Variants in RASSF1 observed in about 807,000 individuals in gnomAD.
RASSF1 encodes the protein ras association domain-containing protein 1.
RASSF1 carries 33 observed loss-of-function variants against 34.3 expected under a neutral mutation model. The ratio of observed to expected loss-of-function variants is 0.96; its 90% confidence interval spans 0.73 to 1.29. The LOEUF (loss-of-function observed/expected upper bound fraction) is 1.29. Ranked by LOEUF, RASSF1 falls within the 50% of genes most tolerant of loss-of-function variation. The probability of loss-of-function intolerance (pLI) is 0.00; values close to 1 mark genes in which losing one functional copy is unlikely to be tolerated. For synonymous variants in RASSF1, 191 were observed against 195.0 expected, an observed-to-expected ratio of 0.98 and a Z score of 0.17; for missense variants, 445 against 471.8, an observed-to-expected ratio of 0.94 and a Z score of 0.53.
At position 50,340,593 on chromosome 3, in the gene RASSF1, G is replaced by T. The variant is rs1387759514; in HGVS notation, c.213C>A (p.Phe71Leu). The change falls in exon 1 of 6, where the codon TTC becomes TTA. Residue 71 changes from phenylalanine to leucine, a missense_variant. Transcript: ENST00000359365. ...GGCCTTTGCGCACGACGCCCCAGATGAAGTCGCCACAGAGGTCGCACCACG... is the reference window on the plus strand; with the variant it reads ...GGCCTTTGCGCACGACGCCCCAGATTAAGTCGCCACAGAGGTCGCACCACG... ...THTWCDLCGD[F>L]IWGVVRKGLQ... 1 of 1,549,216 alleles carries T rather than the reference G, an allele frequency of 6.5e-7. No individual in the cohort carries two copies. The highest frequency in any genetic ancestry group is 1.8e-5 in the Admixed American group (1 of 54,372).
At position 50,330,963 on chromosome 3, in the gene RASSF1, G is replaced by C. The variant is rs1459815534; in HGVS notation, c.877-236C>G. ...CAAGTCAGATGTTCCCCAATTACCT[G>C]TGGACAGGTCAGGCATATTCTGAGT... is the stretch of plus-strand genomic sequence containing the variant. On this transcript the variant is annotated intron_variant, in intron 5 of 5. Transcript: ENST00000359365. This position sits in a 1 kb window ranked among gnomAD's most constrained non-coding sequence, Gnocchi z 4.5. Among the ~76,000 whole-genome samples the C allele has an allele frequency of 1.3e-5, 2 of 152,186 alleles. No individual in the cohort carries two copies. Among genetic ancestry groups the C allele is most frequent in the Non-Finnish European group, 2.9e-5 (2 of 68,040 alleles).
chr3:50,335,320 T>C (rs1315254958), intron 2 of RASSF1, among the ~76,000 whole-genome samples: 2 of 145,450 alleles, frequency 1.4e-5, no homozygotes, highest in Admixed American at 1.4e-4. Flanking sequence ...TTTCTTTTTT[T>C]TTTTTTTTTT....
Position 50,337,755 on chromosome 3 carries a change from A to G in RASSF1, c.357+150T>C. ...AGCCGGCAATCCAGGCTCCCCTCCC[A>G]GCCCCCGCGCAGAATTAGCCTCTCT... On this transcript the variant is annotated intron_variant, in intron 2 of 5. Transcript: ENST00000359365. 5 of 932,468 alleles carry G rather than the reference A, an allele frequency of 5.4e-6. No homozygotes were observed. The South Asian group carries it at 6.9e-5, about 13-fold the overall frequency. The allele number at this position is 932,468 out of a possible 1,614,324, so 57.8% of individuals were successfully genotyped here. A position where few individuals can be genotyped will look rare whatever the true frequency, so the allele number is the denominator to read the frequency against.
chr3:50,340,501 C>A, intron 1 of RASSF1, 55 bp downstream of exon 1: 1 of 1,400,714 alleles, frequency 7.1e-7, no homozygotes, highest in Non-Finnish European at 9.2e-7. Context: ...GCGGCGACTG[C>A]GCTGCCCCTT....
Position 50,330,590 on chromosome 3 carries a change from G to T in RASSF1, c.1014C>A (p.Pro338=). Reference sequence around the variant, plus strand: ...CTGGGGGTACAAGAGGTCACCCAAGGGGGCAGGCGTGCAGGGCCTCTTGGA... The same window carrying T: ...CTGGGGGTACAAGAGGTCACCCAAGTGGGCAGGCGTGCAGGGCCTCTTGGA... The part of the protein sequence containing the change: ...QKIQEALHAC[P]LG The change falls in exon 6 of 6, where the codon CCC becomes CCA. Residue 338 remains proline (P), a synonymous_variant. Coordinates refer to ENST00000359365, the MANE Select transcript of RASSF1 (RefSeq NM_007182.5). The surrounding 1 kb of genome is among the most constrained non-coding windows in gnomAD (Gnocchi z 4.5). 1.9e-6 allele frequency: 3 copies of T among 1,614,056 alleles called. No individual in the cohort carries two copies. The highest frequency in any genetic ancestry group is 2.5e-6 in the Non-Finnish European group (3 of 1,179,968).
chr3:50,340,813 T>C lies in RASSF1; in HGVS notation c.-8A>G. The C allele has an allele frequency of 6.7e-7, 1 of 1,491,598 alleles. No individual in the cohort carries two copies. The highest frequency in any genetic ancestry group is 8.8e-7 in the Non-Finnish European group (1 of 1,132,750). 92.4% of individuals were successfully genotyped at this position (1,491,598 alleles called of 1,614,324 possible). ...CTCAGGCTCCCCCGACATGGCCCGG[T>C]TGGGCCCGTGCTTCGCTGGCTTTGG... On this transcript the variant is annotated 5_prime_UTR_variant, in exon 1 of 6. Coordinates refer to ENST00000359365, the MANE Select transcript of RASSF1 (RefSeq NM_007182.5).
rs757222954 is a variant in RASSF1 at position 50,337,856 on chromosome 3, T to TGGCCTGCCCATCCTC, written c.357+34_357+48dup. On this transcript the variant is annotated intron_variant, in intron 2 of 5. Transcript: ENST00000359365. ...GCAGCCCTCGAGAATGCCTGCACTG[T>TGGCCTGCCCATCCTC]GGCCTGCCCATCCTCGCCCTTCCCA... The TGGCCTGCCCATCCTC allele has an allele frequency of 7.4e-6, 11 of 1,487,034 alleles. No homozygotes were observed. The East Asian group carries it at 2.5e-4, about 34-fold the overall frequency. 92.1% of individuals were successfully genotyped at this position (1,487,034 alleles called of 1,614,324 possible). A position where few individuals can be genotyped will look rare whatever the true frequency, so the allele number is the denominator to read the frequency against.
intron 1 of RASSF1, among the ~76,000 whole-genome samples, chr3:50,339,522 C>G (rs939948205): frequency 6.6e-6 from 1 of 151,542 alleles, no homozygotes; most frequent in Non-Finnish European, 1.5e-5. Context: ...CCCGCCACTA[C>G]GCCTGGCTCA....
chr3:50,336,815 A>C, intron 2 of RASSF1: 1 of 273,448 alleles, frequency 3.7e-6, no homozygotes, highest in Non-Finnish European at 7.0e-6. Flanking sequence ...AGTCTCCCCA[A>C]GGAGGGAGCA....
At chr3:50,339,360 CTTTTTTTTT>C (rs1017192174) in intron 1 of RASSF1, among the ~76,000 whole-genome samples, 6 of 104,454 alleles carry the variant, frequency 5.7e-5, no homozygotes, top group African/African-American at 2.7e-4. Context: ...CAGCCTTGTT[CTTTTTTTTT>C]TTTTTTTTTT....
At position 50,340,192 on chromosome 3, in the gene RASSF1, CT is replaced by C. The variant is rs1280379641; in HGVS notation, c.250+363del. 8.5e-5 allele frequency among the ~76,000 whole-genome samples: 13 copies of C among 152,292 alleles called. No individual in the cohort carries two copies. In the East Asian group the frequency reaches 2.5e-3, roughly 29 times the overall value. ...CCATAGGTGGTAATTTCCCTTCACC[CT>C]AAAGGTTCTGGAGGGGGTCATGAGT... is the stretch of plus-strand genomic sequence containing the variant. On this transcript the variant is annotated intron_variant, in intron 1 of 5. Coordinates refer to ENST00000359365, the MANE Select transcript of RASSF1 (RefSeq NM_007182.5).
In RASSF1 at chr3:50,331,739, G is replaced by A. The variant is rs1222407463; in HGVS notation, c.580C>T (p.Arg194Trp). The A allele has an allele frequency of 1.2e-5, 19 of 1,611,564 alleles. No homozygotes were observed. The highest frequency in any genetic ancestry group is 6.7e-5 in the East Asian group (3 of 44,812). Residue 194 changes from arginine (R) to tryptophan (W), a missense_variant, in exon 4 of 6, where the codon CGG becomes TGG. By Grantham distance (101) the Arg-to-Trp change is moderately radical. Coordinates refer to ENST00000359365, the MANE Select transcript of RASSF1 (RefSeq NM_007182.5). ...SLQDARRGPGRGTSVRRRTSF... is the reference protein window; with the variant it reads ...SLQDARRGPGWGTSVRRRTSF... ...GTGCGGCGCCTGACACTTGTGCCCC[G>A]TCCTGGGCCCCGCCGGGCATCCTGC...
chr3:50,335,339 CAG>C (rs1457434282), intron 2 of RASSF1, among the ~76,000 whole-genome samples: 1 of 120,222 alleles, frequency 8.3e-6, no homozygotes, highest in Non-Finnish European at 1.6e-5. Flanking sequence ...TTTTTTGAGA[CAG>C]AGTCTTGCTC....
chr3:50,340,493 G>A (rs905622586), intron 1 of RASSF1, 63 bp downstream of exon 1: 2 of 1,387,172 alleles, frequency 1.4e-6, no homozygotes, highest in African/African-American at 1.5e-5. Context: ...CTTGACCCGC[G>A]GCGACTGCGC....
intron 2 of RASSF1, chr3:50,337,083 C>T: frequency 7.0e-7 from 1 of 1,431,104 alleles, no homozygotes; most frequent in Non-Finnish European, 9.2e-7. Flanking sequence ...GTGGGGCTGC[C>T]CACCGACCCA....
At chr3:50,338,136 G>GGGTT (rs1285949390) in intron 1 of RASSF1, 125 bp from the exon 2 acceptor site, 17 of 1,473,660 alleles carry the variant, frequency 1.2e-5, no homozygotes, top group Middle Eastern at 2.1e-4. Context: ...CTATCTCAGT[G>GGGTT]GGTTACCTCA....
chr3:50,330,657 A>AGGT lies in RASSF1; in HGVS notation c.944_946dup (p.His315dup), dbSNP rs1553718184. On this transcript the variant is annotated inframe_insertion, in exon 6 of 6. Coordinates refer to ENST00000359365, the MANE Select transcript of RASSF1 (RefSeq NM_007182.5). This position sits in a 1 kb window ranked among gnomAD's most constrained non-coding sequence, Gnocchi z 4.5. The stretch of plus-strand genomic sequence containing the variant: ...GGAGTACTTCTGCAGGATCTGGCGG[A>AGGT]GGTGCTCCTCCTCCTCCCGCTGCAG... 6.2e-7 allele frequency: 1 copy of AGGT among 1,614,020 alleles called. No homozygotes were observed. Among genetic ancestry groups the AGGT allele is most frequent in the Admixed American group, 1.7e-5 (1 of 60,004 alleles).
chr3:50,335,139 G>A (rs1294608475), intron 2 of RASSF1, among the ~76,000 whole-genome samples: 1 of 151,794 alleles, frequency 6.6e-6, no homozygotes, highest in Non-Finnish European at 1.5e-5. Context: ...TAGTCGAGAC[G>A]GGGTTTCACC....
At chr3:50,332,007 T>A (rs752967568) in intron 3 of RASSF1, 43 bp downstream of exon 3, 1 of 1,597,468 alleles carries the variant, frequency 6.3e-7, no homozygotes, top group Non-Finnish European at 8.6e-7. Context: ...CATAGCTGGG[T>A]ACCTGCTCCT....
Sources: allele counts gnomAD v4.1 joint callset (sites outside exome capture counted in the v4.1 genomes callset), GRCh38; gene constraint gnomAD v4.1.1; non-coding constraint Gnocchi (gnomAD v3.1); transcripts MANE v1.5; gene names NCBI Gene and HGNC (gene_info 2026-07-23, HGNC 2026-07-21).